Variants in ROBO2 observed in about 807,000 individuals in gnomAD.
ROBO2 encodes the protein roundabout homolog 2.
Under a neutral mutation model 160.8 loss-of-function variants are expected in ROBO2, and 53 were observed. That is an observed-to-expected ratio of 0.33 (90% CI 0.26 to 0.41). The LOEUF (loss-of-function observed/expected upper bound fraction) is 0.41. Ranked by LOEUF, ROBO2 falls within the 10% of genes least tolerant of loss-of-function variation. The pLI is 1.00. For synonymous variants in ROBO2, 664 were observed against 611.7 expected, an observed-to-expected ratio of 1.09 and a Z score of -1.26; for missense variants, 1,577 against 1,722.4, an observed-to-expected ratio of 0.92 and a Z score of 1.49.
intron 2 of ROBO2, among the ~76,000 whole-genome samples, chr3:77,331,282 C>T (rs750365456): frequency 5.3e-5 from 8 of 152,206 alleles, no homozygotes; most frequent in Non-Finnish European, 8.8e-5. Context: ...CTGAATTCAT[C>T]AATGCCATCT....
intron 2 of ROBO2, among the ~76,000 whole-genome samples, chr3:76,579,762 AAAG>A (rs369580977): frequency 2.6e-3 from 391 of 148,538 alleles, no homozygotes; most frequent in African/African-American, 9.3e-3. Context: ...TCCTTTCAAA[AAAG>A]CTATGACTTT....
intron 2 of ROBO2, among the ~76,000 whole-genome samples, chr3:77,424,077 G>A (rs2077957283): frequency 6.6e-6 from 1 of 152,094 alleles, no homozygotes; most frequent in Non-Finnish European, 1.5e-5. Flanking sequence ...CTTTAAGAGT[G>A]GAGTTAAAGC....
intron 2 of ROBO2, among the ~76,000 whole-genome samples, chr3:76,834,062 T>TTTCCTTTCTTTC (rs368797764): frequency 1.5e-4 from 13 of 88,086 alleles, no homozygotes; most frequent in African/African-American, 3.6e-4. Flanking sequence ...CCTTTCTTTC[T>TTTCCTTTCTTTC]TTTCTTTCTT....
At chr3:77,269,289 C>G (rs1227308571) in intron 2 of ROBO2, among the ~76,000 whole-genome samples, 1 of 152,076 alleles carries the variant, frequency 6.6e-6, no homozygotes, top group Non-Finnish European at 1.5e-5. Flanking sequence ...TTCAAATATA[C>G]AGAAAAGAAG....
At chr3:76,306,323 T>A (rs1276575809) in intron 2 of ROBO2, among the ~76,000 whole-genome samples, 1 of 152,016 alleles carries the variant, frequency 6.6e-6, no homozygotes, top group East Asian at 1.9e-4. Flanking sequence ...TTTTATCTCA[T>A]ACACATTCAA....
intron 2 of ROBO2, among the ~76,000 whole-genome samples, chr3:76,598,307 G>GT (rs2086874935): frequency 1.3e-5 from 2 of 152,042 alleles, no homozygotes; most frequent in South Asian, 4.1e-4. Context: ...TTTTTTGTTT[G>GT]TTTGTTTTGT....
chr3:77,097,131 C>T (rs1184738510), intron 1 of ROBO2, among the ~76,000 whole-genome samples: 1 of 152,168 alleles, frequency 6.6e-6, no homozygotes, highest in Non-Finnish European at 1.5e-5. Context: ...TCTCAGGCTC[C>T]AAGACTGTCT....
intron 2 of ROBO2, among the ~76,000 whole-genome samples, chr3:77,178,341 A>G (rs1463225109): frequency 1.3e-5 from 2 of 151,980 alleles, no homozygotes; most frequent in African/African-American, 4.8e-5. Flanking sequence ...ATCTCTCTCA[A>G]ATCTCTGCCA....
At chr3:77,182,918 A>G (rs1479304384) in intron 2 of ROBO2, among the ~76,000 whole-genome samples, 1 of 152,056 alleles carries the variant, frequency 6.6e-6, no homozygotes, top group Non-Finnish European at 1.5e-5. Flanking sequence ...TTATTTAAGC[A>G]TTTCTGTATG....
intron 8 of ROBO2, among the ~76,000 whole-genome samples, chr3:77,552,814 C>T (rs2092967057): frequency 6.6e-6 from 1 of 151,978 alleles, no homozygotes; most frequent in Admixed American, 6.6e-5. Context: ...TATGAAGTTG[C>T]CACATTGGCT....
At chr3:77,357,386 TC>T (rs1383300045) in intron 2 of ROBO2, among the ~76,000 whole-genome samples, 3 of 152,132 alleles carry the variant, frequency 2.0e-5, no homozygotes, top group African/African-American at 7.2e-5. Context: ...TCTCCCTCTG[TC>T]CTGAGTATTC....
chr3:76,991,089 C>A (rs577620792), intron 2 of ROBO2, among the ~76,000 whole-genome samples: 1 of 152,250 alleles, frequency 6.6e-6, no homozygotes, highest in African/African-American at 2.4e-5. Context: ...ACTTTCTTTT[C>A]ATTCTGGCTG....
rs189201326 is a variant in ROBO2, at chr3:77,367,497, C to T, written c.389-109917C>T. On this transcript the variant is annotated intron_variant, in intron 2 of 25. Coordinates refer to ENST00000461745, the Ensembl canonical transcript of ROBO2. The stretch of plus-strand genomic sequence containing the variant: ...ACTCAGAATGGATCATAACCGGACT[C>T]GCGATAGTTTTCATAGACAGGTAAT... Among the ~76,000 whole-genome samples the T allele has an allele frequency of 9.2e-5, 14 of 151,934 alleles. No homozygotes were observed. The South Asian group carries it at 2.3e-3, about 25-fold the overall frequency.
chr3:77,532,425 C>G (rs1036531774), intron 6 of ROBO2, among the ~76,000 whole-genome samples: 3 of 151,956 alleles, frequency 2.0e-5, no homozygotes, highest in Non-Finnish European at 2.9e-5. Context: ...ATTTCTAGGA[C>G]GCAACAAGCC....
intron 1 of ROBO2, among the ~76,000 whole-genome samples, chr3:77,093,747 C>G (rs1034631430): frequency 6.6e-6 from 1 of 152,036 alleles, no homozygotes; most frequent in African/African-American, 2.4e-5. Context: ...CTATGTCTAT[C>G]TTTCTAATCT....
At chr3:77,311,875 T>A (rs1441523399) in intron 2 of ROBO2, among the ~76,000 whole-genome samples, 1 of 151,998 alleles carries the variant, frequency 6.6e-6, no homozygotes, top group African/African-American at 2.4e-5. Flanking sequence ...TCACTTGAGG[T>A]CAGGAGTTGG....
chr3:76,179,420 A>C (rs973733941), intron 2 of ROBO2, among the ~76,000 whole-genome samples: 1 of 152,176 alleles, frequency 6.6e-6, no homozygotes, highest in African/African-American at 2.4e-5. Context: ...TCATCATCTG[A>C]ATTACTTAAG....
intron 2 of ROBO2, among the ~76,000 whole-genome samples, chr3:76,080,180 G>A (rs1279427406): frequency 6.6e-6 from 1 of 152,038 alleles, no homozygotes; most frequent in Non-Finnish European, 1.5e-5. Context: ...TATAAGCCTC[G>A]GCCAGGATGC....
At chr3:76,957,280 C>G (rs1272446956) in intron 2 of ROBO2, among the ~76,000 whole-genome samples, 3 of 151,960 alleles carry the variant, frequency 2.0e-5, no homozygotes, top group Non-Finnish European at 4.4e-5. Flanking sequence ...CAATTTAATT[C>G]TGTTACATAT....
Sources: allele counts gnomAD v4.1 joint callset (sites outside exome capture counted in the v4.1 genomes callset), GRCh38; gene constraint gnomAD v4.1.1; transcripts MANE v1.5; gene names NCBI Gene and HGNC (gene_info 2026-07-23, HGNC 2026-07-21).